Variants in NOVA1 observed in about 807,000 individuals in gnomAD.
NOVA1 encodes the protein NOVA alternative splicing regulator 1.
In NOVA1, 7 loss-of-function variants were observed where a neutral mutation model predicts 38.0. That is an observed-to-expected ratio of 0.18 (90% CI 0.10 to 0.35). The LOEUF (loss-of-function observed/expected upper bound fraction) is 0.35. NOVA1 is among the 10% of genes least tolerant of loss of function. NOVA1 has a pLI of 1.00. For synonymous variants in NOVA1, 270 were observed against 232.5 expected (o/e 1.16, Z -1.47); for missense variants, 460 against 616.0 (o/e 0.75, Z 2.68).
At chr14:26,470,173 T>C (rs1056389258) in intron 4 of NOVA1, 1 of 876,382 alleles carries the variant, frequency 1.1e-6, no homozygotes, top group Non-Finnish European at 1.5e-6. Flanking sequence ...CCATTAGTTC[T>C]TTTCATTACA....
chr14:26,520,679 G>A (rs1312687680), intron 2 of NOVA1, among the ~76,000 whole-genome samples: 1 of 152,038 alleles, frequency 6.6e-6, no homozygotes, highest in Non-Finnish European at 1.5e-5. Flanking sequence ...AAGCACTTGT[G>A]AGTACTAATT....
At chr14:26,486,373 T>C (rs941840470) in intron 2 of NOVA1, among the ~76,000 whole-genome samples, 2 of 152,004 alleles carry the variant, frequency 1.3e-5, no homozygotes, top group African/African-American at 4.8e-5. Flanking sequence ...AACCTAATAA[T>C]ATACAGTTAA....
At chr14:26,564,608 A>T (rs942109897) in intron 2 of NOVA1, among the ~76,000 whole-genome samples, 2 of 152,180 alleles carry the variant, frequency 1.3e-5, no homozygotes, top group African/African-American at 4.8e-5. Context: ...AGACAAATTA[A>T]CATATCCATT....
intron 4 of NOVA1, among the ~76,000 whole-genome samples, chr14:26,462,096 G>A (rs1230568676): frequency 6.6e-6 from 1 of 151,620 alleles, no homozygotes; most frequent in Non-Finnish European, 1.5e-5. Context: ...TAAATTCAGT[G>A]TGCCCTAAGC....
chr14:26,453,314 C>A (rs576978382), intron 4 of NOVA1, among the ~76,000 whole-genome samples: 1 of 151,976 alleles, frequency 6.6e-6, no homozygotes, highest in Non-Finnish European at 1.5e-5. Flanking sequence ...CTGAAGCGAT[C>A]CACCTGGTTC....
rs1566548665 is a variant in NOVA1, at chr14:26,572,758, G to GTGTGTGTGTGTGTGTGTGTGTGTGTA, written c.280+22651_280+22652insTACACACACACACACACACACACACA. ...TGTGTGTGTGTGTGTGTGTGTGTGTGTGTGTGTATGTGTGTCTGTACGTTT... is the reference window on the plus strand; with the variant it reads ...TGTGTGTGTGTGTGTGTGTGTGTGTGTGTGTGTGTGTGTGTGTGTGTGTGTATGTGTGTATGTGTGTCTGTACGTTT... On this transcript the variant is annotated intron_variant, in intron 2 of 4. Coordinates refer to ENST00000539517, the MANE Select transcript of NOVA1 (RefSeq NM_002515.3). Among the ~76,000 whole-genome samples, 7 of 148,710 alleles carry GTGTGTGTGTGTGTGTGTGTGTGTGTA rather than the reference G, an allele frequency of 4.7e-5. 1 individual carries two copies. The South Asian group carries it at 1.5e-3, about 32-fold the overall frequency.
rs183083536 is a variant in NOVA1 at position 26,523,802 on chromosome 14, G to A, written c.281-43659C>T. Reference sequence around the variant, plus strand: ...CTCTCGCTCTGTCGCCCAGGCTGGTGTGCAGTGGCACAATCTCAGCTCACT... The same window carrying A: ...CTCTCGCTCTGTCGCCCAGGCTGGTATGCAGTGGCACAATCTCAGCTCACT... On this transcript the variant is annotated intron_variant, in intron 2 of 4. Transcript: ENST00000539517. 6.6e-3 allele frequency among the ~76,000 whole-genome samples: 888 copies of A among 133,690 alleles called. 2 individuals are homozygous for A. The highest frequency in any genetic ancestry group is 0.011 in the Non-Finnish European group (696 of 65,564). The allele number at this position is 133,690 out of a possible 152,430, so 87.7% of individuals were successfully genotyped here. A position where few individuals can be genotyped will look rare whatever the true frequency, so the allele number is the denominator to read the frequency against.
At chr14:26,480,782 A>G (rs1181510841) in intron 2 of NOVA1, among the ~76,000 whole-genome samples, 1 of 152,066 alleles carries the variant, frequency 6.6e-6, no homozygotes, top group Admixed American at 6.6e-5. Context: ...CAATAGGTAC[A>G]CTGTAAACAT....
At chr14:26,539,573 T>C (rs537233116) in intron 2 of NOVA1, among the ~76,000 whole-genome samples, 12 of 144,130 alleles carry the variant, frequency 8.3e-5, no homozygotes, top group Non-Finnish European at 1.9e-4. Flanking sequence ...ATGATAGATG[T>C]AGATAAAGAT....
chr14:26,595,655 T>C lies in NOVA1; in HGVS notation c.137-102A>G, dbSNP rs1051984580. ...AAAACAGCAACTAAAGCACTGGGTA[T>C]ATAACTGCAGGAAATATGAAGTTAA... On this transcript the variant is annotated intron_variant, in intron 1 of 4. Transcript: ENST00000539517. The C allele has an allele frequency of 5.5e-5, 51 of 925,666 alleles. No homozygotes were observed. In the Middle Eastern group the frequency reaches 8.9e-4, roughly 16 times the overall value. The allele number at this position is 925,666 out of a possible 1,614,324, so 57.3% of individuals were successfully genotyped here.
chr14:26,494,532 T>C (rs1293170760), intron 2 of NOVA1, among the ~76,000 whole-genome samples: 1 of 152,170 alleles, frequency 6.6e-6, no homozygotes, highest in Non-Finnish European at 1.5e-5. Context: ...ACTGTAGCCA[T>C]GAGGAAAAAT....
intron 2 of NOVA1, among the ~76,000 whole-genome samples, chr14:26,498,218 C>A (rs1886965023): frequency 6.6e-6 from 1 of 151,610 alleles, no homozygotes; most frequent in African/African-American, 2.4e-5. Context: ...CGCCACCACG[C>A]CCAGTTAATT....
intron 2 of NOVA1, among the ~76,000 whole-genome samples, chr14:26,585,884 A>T (rs1893486008): frequency 6.6e-6 from 1 of 151,350 alleles, no homozygotes. Context: ...AAATTTCTAA[A>T]TTCATTATTA....
intron 2 of NOVA1, among the ~76,000 whole-genome samples, chr14:26,558,803 C>CGTAAGGTT (rs1566536851): frequency 6.6e-6 from 1 of 151,864 alleles, no homozygotes; most frequent in Non-Finnish European, 1.5e-5. Flanking sequence ...AATATTGATA[C>CGTAAGGTT]ATAAGGTTAT....
chr14:26,476,405 C>T lies in NOVA1; in HGVS notation c.447+3572G>A, dbSNP rs183674534. On this transcript the variant is annotated intron_variant, in intron 3 of 4. Coordinates refer to ENST00000539517, the MANE Select transcript of NOVA1 (RefSeq NM_002515.3). ...GCAAATCTGTATTCCATAGGATGTC[C>T]TTTGATTAGACATCCAAGGTTTTTC... 1.3e-3 allele frequency among the ~76,000 whole-genome samples: 198 copies of T among 152,214 alleles called. 1 individual carries two copies. The highest frequency in any genetic ancestry group is 4.5e-3 in the African/African-American group (187 of 41,546).
intron 2 of NOVA1, among the ~76,000 whole-genome samples, chr14:26,595,089 A>G (rs562280029): frequency 2.0e-4 from 30 of 152,288 alleles, no homozygotes; most frequent in Non-Finnish European, 3.7e-4. Context: ...AAACTTCAGA[A>G]GAACCCTATT....
intron 2 of NOVA1, among the ~76,000 whole-genome samples, chr14:26,510,924 G>A (rs1888036796): frequency 6.6e-6 from 1 of 151,972 alleles, no homozygotes; most frequent in Non-Finnish European, 1.5e-5. Context: ...AATGATAAAT[G>A]GACAAACCAG....
chr14:26,475,435 T>C (rs1884906697), intron 3 of NOVA1, among the ~76,000 whole-genome samples: 1 of 152,240 alleles, frequency 6.6e-6, no homozygotes, highest in Non-Finnish European at 1.5e-5. Context: ...ATTTCTGATA[T>C]ACATCATGAA....
At position 26,448,989 on chromosome 14, in the gene NOVA1, A is replaced by G. The variant is rs748666550; in HGVS notation, c.520-26T>C. The G allele has an allele frequency of 1.3e-6, 2 of 1,567,304 alleles. No individual in the cohort carries two copies. The highest frequency in any genetic ancestry group is 2.3e-5 in the South Asian group (2 of 86,516). On this transcript the variant is annotated intron_variant, in intron 4 of 4. Transcript: ENST00000539517. The surrounding 1 kb of genome is among the most constrained non-coding windows in gnomAD (Gnocchi z 5.3). ...CTGTAATTAAAAAAAATACGTATAA[A>G]TAATACTTCTGTTTTGTGCATATAC...
Sources: gnomAD v4.1 joint callset for allele counts (sites outside exome capture counted in the v4.1 genomes callset) on GRCh38, gnomAD v4.1.1 for gene constraint, Gnocchi (gnomAD v3.1) non-coding constraint, MANE v1.5 for transcripts, NCBI Gene and HGNC (gene_info 2026-07-23, HGNC 2026-07-21) for gene names.